Variants in CDC42SE2 observed in about 807,000 individuals in gnomAD.
CDC42SE2 encodes the protein CDC42 small effector 2.
A neutral mutation model predicts 11.5 loss-of-function variants in CDC42SE2; 3 were observed. The observed-to-expected ratio is 0.26, with a 90% CI of 0.12 to 0.67. The LOEUF is 0.67. Among genes scored for constraint, CDC42SE2 ranks in the 30% least tolerant of loss-of-function variants. The pLI, the probability that CDC42SE2 is intolerant of heterozygous loss-of-function variation, is 0.80. For synonymous variants in CDC42SE2, 33 were observed against 34.8 expected, an observed-to-expected ratio of 0.95 and a Z score of 0.18; for missense variants, 82 against 106.8, an observed-to-expected ratio of 0.77 and a Z score of 1.02.
intron 1 of CDC42SE2, among the ~76,000 whole-genome samples, chr5:131,275,894 A>G (rs1003203031): frequency 6.6e-6 from 1 of 151,904 alleles, no homozygotes; most frequent in Non-Finnish European, 1.5e-5. Context: ...AAAAAAGCGT[A>G]TATTTATTAT....
chr5:131,211,520 A>G, the CDC42SE2 span, among the ~76,000 whole-genome samples: 4 of 152,006 alleles, frequency 2.6e-5, no homozygotes, highest in East Asian at 7.7e-4. Context: ...TTCTTTCCTC[A>G]TGTGTCTTGT....
Position 131,330,903 on chromosome 5 carries a change from G to A in CDC42SE2, c.-286+14759G>A, listed in dbSNP as rs908705769. On this transcript the variant is annotated intron_variant, in intron 2 of 4. Transcript: ENST00000505065. ...TAGCTTGGCTTGGTGGTGCATGCCT[G>A]TAGTCATAGCTACTCTAGAGGCTGA... Among the ~76,000 whole-genome samples the A allele has an allele frequency of 1.6e-4, 24 of 151,646 alleles. No individual in the cohort carries two copies. The East Asian group carries it at 4.3e-3, about 27-fold the overall frequency.
At chr5:131,387,378 G>A (rs2149790027) in intron 4 of CDC42SE2, among the ~76,000 whole-genome samples, 1 of 152,176 alleles carries the variant, frequency 6.6e-6, no homozygotes, top group African/African-American at 2.4e-5. Flanking sequence ...GTGAAACCCT[G>A]TCTCTACCAA....
intron 1 of CDC42SE2, among the ~76,000 whole-genome samples, chr5:131,264,498 C>T (rs899529882): frequency 6.3e-4 from 95 of 151,890 alleles, no homozygotes; most frequent in African/African-American, 2.3e-3. Context: ...CAGACCCCCC[C>T]CCTCCCCCCA....
chr5:131,248,974 A>ATC (rs546751815), intron 1 of CDC42SE2, among the ~76,000 whole-genome samples: 1 of 148,636 alleles, frequency 6.7e-6, no homozygotes, highest in South Asian at 2.1e-4. Context: ...AAATATATAT[A>ATC]TTGAAGATTA....
At chr5:131,311,895 T>C (rs1376764640) in intron 1 of CDC42SE2, among the ~76,000 whole-genome samples, 1 of 152,216 alleles carries the variant, frequency 6.6e-6, no homozygotes, top group Non-Finnish European at 1.5e-5. Context: ...TTGAATGTCC[T>C]CCAGTAGCTC....
intron 2 of CDC42SE2, among the ~76,000 whole-genome samples, chr5:131,326,168 A>T (rs1399569812): frequency 6.6e-6 from 1 of 150,568 alleles, no homozygotes; most frequent in East Asian, 2.0e-4. Flanking sequence ...GCAGTGGCGC[A>T]ATCTCAGCTC....
intron 1 of CDC42SE2, among the ~76,000 whole-genome samples, chr5:131,266,719 A>G (rs913255427): frequency 1.3e-5 from 2 of 152,018 alleles, no homozygotes; most frequent in African/African-American, 4.8e-5. Flanking sequence ...CGGCCTCCCA[A>G]AGTGTGCTGT....
chr5:131,318,699 G>A (rs1485653545), intron 2 of CDC42SE2, among the ~76,000 whole-genome samples: 2 of 152,118 alleles, frequency 1.3e-5, no homozygotes, highest in Non-Finnish European at 2.9e-5. Context: ...AGTTGCATGA[G>A]CCACTAAATT....
At chr5:131,259,961 A>C (rs912850458), upstream of CDC42SE2, among the ~76,000 whole-genome samples, 1 of 152,256 alleles carries the variant, frequency 6.6e-6, no homozygotes, top group African/African-American at 2.4e-5. Flanking sequence ...TGTAGAACTC[A>C]TACCATCCCA....
intron 1 of CDC42SE2, chr5:131,253,125 G>T (rs1004754852): frequency 1.3e-5 from 2 of 152,148 alleles, no homozygotes; most frequent in Non-Finnish European, 2.9e-5. Flanking sequence ...AACACTCATC[G>T]CATGGTAAGG....
At chr5:131,372,865 A>G (rs529235256) in intron 3 of CDC42SE2, among the ~76,000 whole-genome samples, 3 of 152,370 alleles carry the variant, frequency 2.0e-5, no homozygotes, top group South Asian at 2.1e-4. Context: ...GTGAATTAAA[A>G]TATATTAAGA....
intron 1 of CDC42SE2, among the ~76,000 whole-genome samples, chr5:131,278,590 G>A (rs545638951): frequency 4.0e-5 from 6 of 150,798 alleles, no homozygotes; most frequent in African/African-American, 1.2e-4. Context: ...CAAATCAGGG[G>A]CCCTTTTCTC....
intron 4 of CDC42SE2, among the ~76,000 whole-genome samples, chr5:131,386,817 T>C (rs939731480): frequency 8.5e-5 from 13 of 152,182 alleles, no homozygotes; most frequent in African/African-American, 3.1e-4. Flanking sequence ...TTTATAAACA[T>C]AAAATTATGA....
At chr5:131,310,497 A>T (rs546999501) in intron 1 of CDC42SE2, among the ~76,000 whole-genome samples, 2 of 152,090 alleles carry the variant, frequency 1.3e-5, no homozygotes, top group East Asian at 1.9e-4. Context: ...ATTCCTGGAT[A>T]TCCTTGTTGA....
rs1159728786 is a variant in CDC42SE2 at position 131,393,063 on chromosome 5, G to A, written c.*1972G>A. The A allele has an allele frequency of 6.6e-6, 1 of 152,338 alleles. No individual in the cohort carries two copies. The highest frequency in any genetic ancestry group is 2.4e-5 in the African/African-American group (1 of 41,424). The allele number at this position is 152,338 out of a possible 1,614,324, so 9.4% of individuals were successfully genotyped here. On this transcript the variant is annotated 3_prime_UTR_variant, in exon 5 of 5. Coordinates refer to ENST00000505065, the MANE Select transcript of CDC42SE2 (RefSeq NM_001375635.1). The stretch of plus-strand genomic sequence containing the variant: ...CTTTTCTGTTAGAGTGTGGTGTTAA[G>A]CCAGAGTCAGTGGTTTGTGTTCTCA...
intron 1 of CDC42SE2, among the ~76,000 whole-genome samples, chr5:131,301,752 C>T (rs560752063): frequency 2.2e-3 from 332 of 148,402 alleles, no homozygotes; most frequent in Non-Finnish European, 3.5e-3. Flanking sequence ...AGCAAGACTC[C>T]GTCTCAAAAA....
the CDC42SE2 span, among the ~76,000 whole-genome samples, chr5:131,216,626 T>C: frequency 2.0e-5 from 3 of 152,080 alleles, no homozygotes; most frequent in African/African-American, 4.8e-5. Context: ...TACAGTTTCC[T>C]TTAATTTAGC....
chr5:131,316,214 C>T (rs2149729334), intron 2 of CDC42SE2, 70 bp downstream of exon 2: 1 of 152,452 alleles, frequency 6.6e-6, no homozygotes, highest in African/African-American at 2.4e-5. Context: ...ATGACTACTT[C>T]TACATTCTTA....
Sources: allele counts gnomAD v4.1 joint callset (sites outside exome capture counted in the v4.1 genomes callset), GRCh38; gene constraint gnomAD v4.1.1; transcripts MANE v1.5; gene names NCBI Gene and HGNC (gene_info 2026-07-23, HGNC 2026-07-21).